FGGY: variants seen among roughly 807,000 people sequenced by gnomAD.
FGGY encodes FGGY carbohydrate kinase domain containing, also known as FGGY carbohydrate kinase domain-containing protein.
Under a neutral mutation model 71.3 loss-of-function variants are expected in FGGY, and 72 were observed. That is an observed-to-expected ratio of 1.01 (90% CI 0.84 to 1.23). The LOEUF (loss-of-function observed/expected upper bound fraction) is 1.23, where lower values mean the gene tolerates loss of function less well. Among genes scored for constraint, FGGY ranks in the 50% most tolerant of loss-of-function variants. FGGY has a pLI of 0.00. For synonymous variants in FGGY, 251 were observed against 250.3 expected, an observed-to-expected ratio of 1.00 and a Z score of -0.02; for missense variants, 668 against 682.3, an observed-to-expected ratio of 0.98 and a Z score of 0.23.
At chr1:59,595,389 A>G (rs2096508962) in intron 8 of FGGY, among the ~76,000 whole-genome samples, 1 of 152,164 alleles carries the variant, frequency 6.6e-6, no homozygotes, top group Non-Finnish European at 1.5e-5. Flanking sequence ...TATGTTACAG[A>G]TCAATAATAC....
chr1:59,393,633 C>T (rs1482258786), intron 5 of FGGY, among the ~76,000 whole-genome samples: 1 of 151,972 alleles, frequency 6.6e-6, no homozygotes, highest in Non-Finnish European at 1.5e-5. Context: ...ATCAGCCCTG[C>T]AGTCTGGCCT....
At chr1:59,574,187 G>A (rs58295112) in intron 8 of FGGY, among the ~76,000 whole-genome samples, 4,270 of 152,312 alleles carry the variant, frequency 0.028, 198 homozygotes, top group African/African-American at 0.098. Flanking sequence ...CAACAGGGCC[G>A]TACTCCCTCT....
intron 6 of FGGY, among the ~76,000 whole-genome samples, chr1:59,472,967 A>G (rs184913754): frequency 6.6e-6 from 1 of 152,312 alleles, no homozygotes; most frequent in East Asian, 1.9e-4. Context: ...CAGGGATTGT[A>G]AACGCACCAA....
chr1:59,563,392 G>A (rs1377405263), intron 8 of FGGY, among the ~76,000 whole-genome samples: 3 of 151,974 alleles, frequency 2.0e-5, no homozygotes, highest in Non-Finnish European at 4.4e-5. Context: ...TATGTGACGG[G>A]TTACACCAAT....
At chr1:59,466,683 A>C (rs1572515050) in intron 6 of FGGY, among the ~76,000 whole-genome samples, 1 of 152,352 alleles carries the variant, frequency 6.6e-6, no homozygotes, top group Admixed American at 6.5e-5. Flanking sequence ...ACCCCATCAA[A>C]AAGTGGGCAA....
chr1:59,379,906 C>T (rs900081788), intron 5 of FGGY, among the ~76,000 whole-genome samples: 7 of 151,920 alleles, frequency 4.6e-5, no homozygotes, highest in African/African-American at 1.7e-4. Flanking sequence ...CCCATTAACT[C>T]GTCATTTACA....
At position 59,644,469 on chromosome 1, in the gene FGGY, T is replaced by C. The variant is rs375907613; in HGVS notation, c.1221+6094T>C. On this transcript the variant is annotated intron_variant, in intron 11 of 15. Coordinates refer to ENST00000303721, the MANE Select transcript of FGGY (RefSeq NM_018291.5). ...GACTAGGTACCCCACTATGTAAACA[T>C]TTCTCCTTTCCAGTTGATAAATGAA... is the stretch of plus-strand genomic sequence containing the variant. Among the ~76,000 whole-genome samples the C allele has an allele frequency of 3.3e-5, 5 of 152,190 alleles. No homozygotes were observed. The East Asian group carries it at 9.7e-4, about 29-fold the overall frequency.
intron 14 of FGGY, among the ~76,000 whole-genome samples, chr1:59,724,458 T>C (rs1357452854): frequency 6.6e-6 from 1 of 151,542 alleles, no homozygotes; most frequent in Non-Finnish European, 1.5e-5. Flanking sequence ...CACTCCAGCC[T>C]GGGCAACAGA....
At chr1:59,579,084 C>T (rs546867007) in intron 8 of FGGY, among the ~76,000 whole-genome samples, 18 of 152,228 alleles carry the variant, frequency 1.2e-4, no homozygotes, top group African/African-American at 3.4e-4. Context: ...CCATTTGTTT[C>T]GGGCTCCTGT....
At chr1:59,302,076 A>T (rs755129548) in intron 1 of FGGY, among the ~76,000 whole-genome samples, 9 of 151,668 alleles carry the variant, frequency 5.9e-5, no homozygotes, top group Non-Finnish European at 1.2e-4. Flanking sequence ...AATGTGGTGA[A>T]TTACATTTAT....
chr1:59,422,111 G>C (rs1264833611), intron 5 of FGGY, among the ~76,000 whole-genome samples: 1 of 152,162 alleles, frequency 6.6e-6, no homozygotes, highest in East Asian at 1.9e-4. Flanking sequence ...AGAATCACCT[G>C]GAGAGATTTT....
intron 9 of FGGY, among the ~76,000 whole-genome samples, chr1:59,625,486 T>A (rs1009474139): frequency 2.0e-5 from 3 of 152,132 alleles, no homozygotes; most frequent in Admixed American, 1.3e-4. Context: ...TTTCAAAAAA[T>A]TTTTTTAATG....
chr1:59,324,567 C>T (rs996329663), intron 2 of FGGY, among the ~76,000 whole-genome samples: 3 of 152,098 alleles, frequency 2.0e-5, no homozygotes, highest in Non-Finnish European at 4.4e-5. Context: ...TGAGCCACCG[C>T]GCCCGGCCAA....
At chr1:59,696,626 C>G (rs1016885209) in intron 14 of FGGY, among the ~76,000 whole-genome samples, 4 of 152,190 alleles carry the variant, frequency 2.6e-5, no homozygotes, top group African/African-American at 9.7e-5. Context: ...AGAGGCCTTT[C>G]AATTGTTTTC....
At chr1:59,326,971 A>G (rs2047552633) in intron 2 of FGGY, among the ~76,000 whole-genome samples, 1 of 152,256 alleles carries the variant, frequency 6.6e-6, no homozygotes, top group Non-Finnish European at 1.5e-5. Flanking sequence ...TAATTTTTAA[A>G]AATTGCCAAA....
chr1:59,520,472 A>T (rs2094795176), intron 7 of FGGY, among the ~76,000 whole-genome samples: 1 of 152,186 alleles, frequency 6.6e-6, no homozygotes. Context: ...TTGTGGAAAC[A>T]TCTCCAAATT....
chr1:59,305,003 T>C (rs2043244509), intron 1 of FGGY, among the ~76,000 whole-genome samples: 2 of 152,144 alleles, frequency 1.3e-5, no homozygotes, highest in Admixed American at 1.3e-4. Flanking sequence ...ATGTCATCTG[T>C]AAACAGACAA....
chr1:59,653,523 C>A (rs571195176), intron 11 of FGGY, among the ~76,000 whole-genome samples: 1 of 152,154 alleles, frequency 6.6e-6, no homozygotes, highest in African/African-American at 2.4e-5. Flanking sequence ...TTTCCAGGTG[C>A]GTCCGTCACC....
intron 8 of FGGY, among the ~76,000 whole-genome samples, chr1:59,572,363 C>T (rs1211358343): frequency 1.3e-5 from 2 of 151,996 alleles, no homozygotes; most frequent in Admixed American, 1.3e-4. Flanking sequence ...AAATTGGCAG[C>T]TTTGGTGTGG....
Sources: allele counts gnomAD v4.1 joint callset (sites outside exome capture counted in the v4.1 genomes callset), GRCh38; gene constraint gnomAD v4.1.1; transcripts MANE v1.5; gene names NCBI Gene and HGNC (gene_info 2026-07-23, HGNC 2026-07-21).